TTC17: variants seen among roughly 807,000 people sequenced by gnomAD.
TTC17 encodes the protein tetratricopeptide repeat domain 17.
A neutral mutation model predicts 143.8 loss-of-function variants in TTC17; 58 were observed. The ratio of observed to expected loss-of-function variants is 0.40; its 90% CI spans 0.33 to 0.50. The LOEUF is 0.50. Ranked by LOEUF, TTC17 falls within the 20% of genes least tolerant of loss-of-function variation. TTC17 has a pLI of 0.49. For synonymous variants in TTC17, 501 were observed against 497.8 expected, an observed-to-expected ratio of 1.01 and a Z score of -0.09; for missense variants, 1,273 against 1,392.5, an observed-to-expected ratio of 0.91 and a Z score of 1.37.
intron 21 of TTC17, among the ~76,000 whole-genome samples, chr11:43,455,146 T>G (rs1194175537): frequency 4.6e-5 from 7 of 151,526 alleles, no homozygotes. Context: ...TTCTAAAACA[T>G]GTCATTTAAA....
chr11:43,458,964 G>A (rs1017737221), intron 21 of TTC17, among the ~76,000 whole-genome samples: 10 of 125,554 alleles, frequency 8.0e-5, no homozygotes, highest in African/African-American at 2.6e-4. Context: ...TTTGTATAAG[G>A]TTCGAATAGT....
chr11:43,368,370 C>T (rs954578425), intron 1 of TTC17, among the ~76,000 whole-genome samples: 2 of 152,176 alleles, frequency 1.3e-5, no homozygotes, highest in Non-Finnish European at 2.9e-5. Flanking sequence ...TACATCATGT[C>T]CTAAACTAAA....
chr11:43,473,162 G>A (rs1057188495), intron 21 of TTC17, among the ~76,000 whole-genome samples: 8 of 151,000 alleles, frequency 5.3e-5, no homozygotes, highest in East Asian at 1.9e-4. Flanking sequence ...GCGACAGGGC[G>A]AGACTCCATC....
intron 21 of TTC17, among the ~76,000 whole-genome samples, chr11:43,471,562 G>T (rs929784547): frequency 1.2e-4 from 18 of 152,222 alleles, no homozygotes; most frequent in Admixed American, 3.3e-4. Context: ...CAGCGGAGAG[G>T]AGTGGACAGC....
chr11:43,361,499 T>C (rs758530453), intron 1 of TTC17, among the ~76,000 whole-genome samples: 1 of 152,210 alleles, frequency 6.6e-6, no homozygotes, highest in African/African-American at 2.4e-5. Context: ...TAGCCAAATT[T>C]GGGCAAAATC....
chr11:43,492,446 G>T (rs1048618221), intron 23 of TTC17, among the ~76,000 whole-genome samples: 1 of 152,176 alleles, frequency 6.6e-6, no homozygotes, highest in Non-Finnish European at 1.5e-5. Flanking sequence ...GACACCACCT[G>T]TTCCAGAAAA....
intron 16 of TTC17, among the ~76,000 whole-genome samples, chr11:43,440,071 T>A (rs920160958): frequency 1.3e-5 from 2 of 152,220 alleles, no homozygotes; most frequent in Non-Finnish European, 2.9e-5. Context: ...TACTTATTCC[T>A]CTTGCTTCAA....
chr11:43,414,861 C>G (rs963965650), intron 16 of TTC17, 85 bp downstream of exon 16: 101 of 1,419,824 alleles, frequency 7.1e-5, no homozygotes, highest in Non-Finnish European at 9.5e-5. Context: ...ATGATTTTCT[C>G]TATTTTACCC....
intron 2 of TTC17, among the ~76,000 whole-genome samples, chr11:43,385,046 A>T (rs929480657): frequency 6.6e-6 from 1 of 152,214 alleles, no homozygotes; most frequent in Non-Finnish European, 1.5e-5. Context: ...GGATATAAGT[A>T]TGTTTATATC....
chr11:43,448,175 C>G (rs540759243), intron 19 of TTC17, 53 bp downstream of exon 19: 29 of 1,601,584 alleles, frequency 1.8e-5, no homozygotes, highest in Middle Eastern at 3.3e-4. Context: ...CCATTGAACC[C>G]AGCTGACTTT....
intron 21 of TTC17, among the ~76,000 whole-genome samples, chr11:43,473,895 AAAAAG>A (rs1332647440): frequency 6.6e-6 from 1 of 151,808 alleles, no homozygotes; most frequent in African/African-American, 2.4e-5. Flanking sequence ...AAAAAAAAAA[AAAAAG>A]AAAGAAAGAA....
At chr11:43,452,297 C>T (rs1298580687) in intron 21 of TTC17, among the ~76,000 whole-genome samples, 1 of 151,922 alleles carries the variant, frequency 6.6e-6, no homozygotes, top group Admixed American at 6.6e-5. Flanking sequence ...GACAGGGGTT[C>T]AAGACCAGCC....
Position 43,389,661 on chromosome 11 carries a change from G to A in TTC17, c.259G>A (p.Val87Ile). The change falls in exon 3 of 24, where the codon GTT (valine) becomes ATT (isoleucine). Residue 87 changes from valine (V) to isoleucine (I), a missense_variant. Physicochemically the swap from Val to Ile is conservative, Grantham distance 29. Transcript: ENST00000039989. Reference sequence around the variant, plus strand: ...ACTTTCTTCTCAACAGAAACAATTAGTTGCTCAAAAAATTCACATAGAAGA... The same window carrying A: ...ACTTTCTTCTCAACAGAAACAATTAATTGCTCAAAAAATTCACATAGAAGA... ...NYLKELEKQL[V>I]AQKIHIEENE... 1 of 1,606,528 alleles carries A rather than the reference G, an allele frequency of 6.2e-7. No homozygotes were observed. Among genetic ancestry groups the A allele is most frequent in the Non-Finnish European group, 8.5e-7 (1 of 1,177,774 alleles).
At position 43,404,084 on chromosome 11, in the gene TTC17, G is replaced by A; in HGVS notation, c.1419G>A (p.Lys473=). 1.9e-6 allele frequency: 3 copies of A among 1,613,388 alleles called. No homozygotes were observed. Among genetic ancestry groups the A allele is most frequent in the South Asian group, 1.1e-5 (1 of 91,006 alleles). Residue 473 remains lysine (K), a synonymous_variant, in exon 11 of 24, where the codon AAG becomes AAA. Transcript: ENST00000039989. ...SNQSDINDSV[K]SSPVAHSILW... is the part of the protein sequence containing the mutation. ...AGAGTGATATCAATGATTCGGTCAA[G>A]TCTTCTCCCGTAGCCCATTCTATTC...
intron 21 of TTC17, 175 bp from the exon 22 acceptor site, chr11:43,490,064 C>T: frequency 1.3e-6 from 1 of 751,486 alleles, no homozygotes; most frequent in South Asian, 2.9e-5. Context: ...ATCAAGCTCA[C>T]AGGATTGTTC....
At chr11:43,379,034 C>T in intron 1 of TTC17, 199 bp from the exon 2 acceptor site, 2 of 531,110 alleles carry the variant, frequency 3.8e-6, no homozygotes, top group South Asian at 2.4e-5. Flanking sequence ...AGTTGGAGTT[C>T]ACAGGACAAC....
intron 21 of TTC17, among the ~76,000 whole-genome samples, chr11:43,484,971 G>T (rs1590506512): frequency 6.6e-6 from 1 of 152,038 alleles, no homozygotes; most frequent in East Asian, 1.9e-4. Flanking sequence ...AATGCCTGAT[G>T]ATCTGTCACT....
At chr11:43,416,081 A>T (rs999984822) in intron 16 of TTC17, among the ~76,000 whole-genome samples, 13 of 152,286 alleles carry the variant, frequency 8.5e-5, no homozygotes, top group Non-Finnish European at 1.9e-4. Context: ...TTAGAAATTC[A>T]TAGTGAATAC....
At chr11:43,458,746 A>G (rs1416493662) in intron 21 of TTC17, among the ~76,000 whole-genome samples, 1 of 152,154 alleles carries the variant, frequency 6.6e-6, no homozygotes, top group Non-Finnish European at 1.5e-5. Context: ...CACAGTTTTC[A>G]GTTACCCACA....
Sources: gnomAD v4.1 joint callset for allele counts (sites outside exome capture counted in the v4.1 genomes callset) on GRCh38, gnomAD v4.1.1 for gene constraint, MANE v1.5 for transcripts, NCBI Gene and HGNC (gene_info 2026-07-23, HGNC 2026-07-21) for gene names.